ANO6: variants seen among roughly 807,000 people sequenced by gnomAD.
ANO6 encodes the protein anoctamin-6.
Under a neutral mutation model 117.5 loss-of-function variants are expected in ANO6, and 106 were observed. The ratio of observed to expected loss-of-function variants is 0.90; its 90% confidence interval spans 0.77 to 1.06. ANO6 has a LOEUF of 1.06. Among genes scored for constraint, ANO6 ranks in the 50% least tolerant of loss-of-function variants. The pLI is 0.00. For missense variants in ANO6, 955 were observed against 1,121.1 expected (o/e 0.85, Z 2.12); for synonymous variants, 367 against 385.1 (o/e 0.95, Z 0.55).
intron 1 of ANO6, among the ~76,000 whole-genome samples, chr12:45,252,114 A>G (rs964909488): frequency 2.0e-5 from 3 of 152,222 alleles, no homozygotes; most frequent in Non-Finnish European, 2.9e-5. Context: ...AATGAAGGGC[A>G]CAGGATGTTT....
chr12:45,371,127 C>T (rs1262251406), intron 9 of ANO6, among the ~76,000 whole-genome samples: 1 of 152,184 alleles, frequency 6.6e-6, no homozygotes, highest in Admixed American at 6.5e-5. Context: ...CGGGTCACTC[C>T]CACCCGAATA....
chr12:45,349,224 C>T (rs982871651), intron 6 of ANO6, among the ~76,000 whole-genome samples: 1 of 152,172 alleles, frequency 6.6e-6, no homozygotes, highest in Non-Finnish European at 1.5e-5. Flanking sequence ...TTTTCTGCAA[C>T]ATAGACTTTT....
intron 8 of ANO6, among the ~76,000 whole-genome samples, chr12:45,359,703 G>C (rs1941504545): frequency 6.6e-6 from 1 of 152,086 alleles, no homozygotes; most frequent in South Asian, 2.1e-4. Flanking sequence ...TGGACATTTG[G>C]GTTGTTTCTA....
At chr12:45,300,565 A>G (rs728590) in intron 1 of ANO6, among the ~76,000 whole-genome samples, 119,475 of 152,130 alleles carry the variant, frequency 0.79, 49,824 homozygotes, top group Non-Finnish European at 0.94. Flanking sequence ...GTTTGTCCAA[A>G]TTAGGATCCA....
At chr12:45,300,850 C>T (rs1055662415) in intron 1 of ANO6, among the ~76,000 whole-genome samples, 1 of 152,108 alleles carries the variant, frequency 6.6e-6, no homozygotes, top group African/African-American at 2.4e-5. Flanking sequence ...TTGTTTAAAC[C>T]AGGATCCAAT....
chr12:45,302,357 C>T (rs887332259), intron 2 of ANO6, among the ~76,000 whole-genome samples: 2 of 152,158 alleles, frequency 1.3e-5, no homozygotes, highest in Non-Finnish European at 2.9e-5. Flanking sequence ...AATAAAATAG[C>T]ATCTTGTTTC....
At chr12:45,279,598 T>C (rs1223918021) in intron 1 of ANO6, among the ~76,000 whole-genome samples, 4 of 152,246 alleles carry the variant, frequency 2.6e-5, no homozygotes, top group Non-Finnish European at 5.9e-5. Flanking sequence ...ATTCTTTTGT[T>C]ACATTATGGG....
At position 45,357,278 on chromosome 12, in the gene ANO6, GTCTT is replaced by G. The variant is rs778586886; in HGVS notation, c.864-7_864-4del. The G allele has an allele frequency of 2.9e-5, 46 of 1,613,120 alleles. 2 individuals carry two copies. In the South Asian group the frequency reaches 4.9e-4, roughly 17 times the overall value. Reference sequence around the variant, plus strand: ...TTTGCATCTTCTAAAAATAATTTCTGTCTTTCTTCAGGAAATACTATGGAGAGAA... The same window carrying G: ...TTTGCATCTTCTAAAAATAATTTCTGTCTTCAGGAAATACTATGGAGAGAA... On this transcript the variant is annotated splice_region_variant and splice_polypyrimidine_tract_variant and intron_variant, in intron 7 of 19. Transcript: ENST00000320560.
intron 1 of ANO6, among the ~76,000 whole-genome samples, chr12:45,226,218 A>G (rs1287067079): frequency 6.6e-6 from 1 of 152,246 alleles, no homozygotes. Context: ...TTTCTCTGCC[A>G]TGGTAATTAT....
At chr12:45,405,879 C>T (rs1310797193) in intron 15 of ANO6, among the ~76,000 whole-genome samples, 2 of 152,064 alleles carry the variant, frequency 1.3e-5, no homozygotes, top group Non-Finnish European at 1.5e-5. Flanking sequence ...TGCACTCCAG[C>T]CTAGGCAACA....
At position 45,348,638 on chromosome 12, in the gene ANO6, T is replaced by C. The variant is rs1173852406; in HGVS notation, c.747+7T>C. 7 of 1,606,996 alleles carry C rather than the reference T, an allele frequency of 4.4e-6. No individual in the cohort carries two copies. The highest frequency in any genetic ancestry group is 6.0e-6 in the Non-Finnish European group (7 of 1,173,744). ...AGCTTTCCCACTCCATGATGTAAGT[T>C]AAAAGGCAAAAATGAACTAAAAGGC... On this transcript the variant is annotated splice_region_variant and intron_variant, in intron 6 of 19. Transcript: ENST00000320560.
intron 3 of ANO6, among the ~76,000 whole-genome samples, chr12:45,341,752 A>C (rs1940984487): frequency 1.3e-5 from 2 of 152,210 alleles, no homozygotes; most frequent in Admixed American, 1.3e-4. Flanking sequence ...CATTGGGTGC[A>C]TGGTGTAGAG....
chr12:45,224,779 T>C (rs1029470576), intron 1 of ANO6, among the ~76,000 whole-genome samples: 57 of 152,236 alleles, frequency 3.7e-4, no homozygotes, highest in Admixed American at 3.3e-3. Flanking sequence ...CTACATTTAT[T>C]ATTTTTTCTT....
intron 1 of ANO6, among the ~76,000 whole-genome samples, chr12:45,230,016 CATT>C (rs1947551542): frequency 6.6e-6 from 1 of 152,072 alleles, no homozygotes; most frequent in Non-Finnish European, 1.5e-5. Context: ...TATAAGGTAA[CATT>C]ATTAATATTG....
At chr12:45,324,865 G>T (rs771568664) in intron 2 of ANO6, among the ~76,000 whole-genome samples, 14 of 152,090 alleles carry the variant, frequency 9.2e-5, no homozygotes, top group Admixed American at 2.6e-4. Context: ...AAATTTGAGG[G>T]ACTGCTAACC....
At chr12:45,274,693 T>A (rs1351359007) in intron 1 of ANO6, among the ~76,000 whole-genome samples, 2 of 151,544 alleles carry the variant, frequency 1.3e-5, no homozygotes, top group Non-Finnish European at 2.9e-5. Context: ...CTGTAAGGCC[T>A]CTGCTACCTC....
At chr12:45,244,307 T>G (rs1466948398) in intron 1 of ANO6, among the ~76,000 whole-genome samples, 2 of 150,812 alleles carry the variant, frequency 1.3e-5, no homozygotes, top group African/African-American at 4.9e-5. Context: ...GCATAGTGGA[T>G]AACCTTTTTG....
chr12:45,367,769 CA>C lies in ANO6; in HGVS notation c.1082del (p.Asn361IlefsTer69). On this transcript the variant is annotated frameshift_variant, in exon 9 of 20. Transcript: ENST00000320560. LOFTEE classifies it high-confidence loss of function. The stretch of plus-strand genomic sequence containing the variant: ...ATAGGCTTTGTCCATTCTGGAAACT[CA>C]ATATTACTTGCGAGTCCTCAAAGGT... ...CDRLCPFWKL[N>X]ITCESSKKLC... is the part of the protein sequence containing the mutation. 6.2e-7 allele frequency: 1 copy of C among 1,613,554 alleles called. No individual in the cohort carries two copies. The highest frequency in any genetic ancestry group is 8.5e-7 in the Non-Finnish European group (1 of 1,179,808).
intron 1 of ANO6, among the ~76,000 whole-genome samples, chr12:45,260,111 T>C (rs2137208394): frequency 6.6e-6 from 1 of 152,312 alleles, no homozygotes; most frequent in South Asian, 2.1e-4. Flanking sequence ...AAGGAAAAAA[T>C]GGCTGATTTT....
Sources: allele counts gnomAD v4.1 joint callset (sites outside exome capture counted in the v4.1 genomes callset), GRCh38; gene constraint gnomAD v4.1.1; transcripts MANE v1.5; gene names NCBI Gene and HGNC (gene_info 2026-07-23, HGNC 2026-07-21).